LINGO2: variants seen among roughly 807,000 people sequenced by gnomAD.
LINGO2 encodes the protein leucine-rich repeat and immunoglobulin-like domain-containing nogo receptor-interacting protein 2.
A neutral mutation model predicts 30.6 loss-of-function variants in LINGO2; 14 were observed. The observed-to-expected ratio is 0.46, with a 90% CI of 0.30 to 0.72. LINGO2 has a LOEUF of 0.72. LINGO2 is among the 30% of genes least tolerant of loss of function. The probability of loss-of-function intolerance (pLI) is 0.07; values close to 1 mark genes in which losing one functional copy is unlikely to be tolerated. For synonymous variants in LINGO2, 317 were observed against 288.5 expected (o/e 1.10, Z -1.00); for missense variants, 729 against 751.7 (o/e 0.97, Z 0.35).
intron 1 of LINGO2, among the ~76,000 whole-genome samples, chr9:28,502,551 A>G (rs1819933511): frequency 6.6e-6 from 1 of 152,134 alleles, no homozygotes; most frequent in African/African-American, 2.4e-5. Flanking sequence ...TTAGCCGCAC[A>G]ATGAACCCTT....
At chr9:29,192,191 C>G in the LINGO2 span, among the ~76,000 whole-genome samples, 1 of 152,074 alleles carries the variant, frequency 6.6e-6, no homozygotes, top group Non-Finnish European at 1.5e-5. Context: ...TACAGGATTT[C>G]AGTTTAATTA....
chr9:28,087,404 C>A (rs1455761836), intron 4 of LINGO2, among the ~76,000 whole-genome samples: 1 of 152,094 alleles, frequency 6.6e-6, no homozygotes, highest in Admixed American at 6.6e-5. Flanking sequence ...TTCTAATCAT[C>A]ACTATTAATT....
At chr9:28,387,016 T>C (rs953375001) in intron 2 of LINGO2, among the ~76,000 whole-genome samples, 1 of 152,166 alleles carries the variant, frequency 6.6e-6, no homozygotes, top group Non-Finnish European at 1.5e-5. Context: ...TTAACTAATA[T>C]AGCATTGAGA....
the LINGO2 span, among the ~76,000 whole-genome samples, chr9:28,836,635 T>G: frequency 6.6e-6 from 1 of 152,270 alleles, no homozygotes; most frequent in South Asian, 2.1e-4. Flanking sequence ...TTTTTAATTT[T>G]TTAAAATTTT....
At chr9:29,198,403 G>A in the LINGO2 span, among the ~76,000 whole-genome samples, 1 of 152,100 alleles carries the variant, frequency 6.6e-6, no homozygotes, top group Non-Finnish European at 1.5e-5. Context: ...TGGGAGCAGG[G>A]GTGGGAAATT....
chr9:28,400,526 C>G (rs1822219585), intron 2 of LINGO2, among the ~76,000 whole-genome samples: 1 of 152,162 alleles, frequency 6.6e-6, no homozygotes, highest in Admixed American at 6.5e-5. Flanking sequence ...GTTTAAACAA[C>G]TGGTTTGTTG....
chr9:29,189,873 G>A, the LINGO2 span, among the ~76,000 whole-genome samples: 2 of 151,538 alleles, frequency 1.3e-5, no homozygotes, highest in African/African-American at 2.4e-5. Context: ...CCAGTCAGGC[G>A]TGGCAGCGCG....
chr9:27,977,528 C>T (rs909259110), intron 5 of LINGO2, among the ~76,000 whole-genome samples: 1 of 151,938 alleles, frequency 6.6e-6, no homozygotes, highest in African/African-American at 2.4e-5. Flanking sequence ...TATTCAGAAG[C>T]ATCTATTACA....
the LINGO2 span, among the ~76,000 whole-genome samples, chr9:29,121,363 C>T: frequency 1.3e-5 from 2 of 152,020 alleles, no homozygotes; most frequent in Admixed American, 6.6e-5. Flanking sequence ...TATTTTTAAG[C>T]AATGAAGTCA....
At chr9:28,022,219 G>A (rs12350286) in intron 4 of LINGO2, among the ~76,000 whole-genome samples, 2 of 151,882 alleles carry the variant, frequency 1.3e-5, no homozygotes, top group Non-Finnish European at 2.9e-5. Flanking sequence ...TGTGGTGCAG[G>A]TATTTTAACA....
chr9:28,064,580 C>G (rs1338494043), intron 4 of LINGO2, among the ~76,000 whole-genome samples: 1 of 152,144 alleles, frequency 6.6e-6, no homozygotes, highest in East Asian at 1.9e-4. Context: ...TTAGTAATAT[C>G]TGGGGCACTA....
the LINGO2 span, among the ~76,000 whole-genome samples, chr9:28,681,727 G>A: frequency 3.3e-5 from 5 of 152,004 alleles, no homozygotes; most frequent in African/African-American, 1.2e-4. Flanking sequence ...CCCAAACTGT[G>A]TTCCTTTACC....
intron 1 of LINGO2, among the ~76,000 whole-genome samples, chr9:28,501,279 T>C (rs1819871441): frequency 6.6e-6 from 1 of 152,196 alleles, no homozygotes; most frequent in African/African-American, 2.4e-5. Context: ...GCATGCTGCG[T>C]TCTTTGTTTT....
chr9:28,976,565 A>G, the LINGO2 span, among the ~76,000 whole-genome samples: 1 of 152,124 alleles, frequency 6.6e-6, no homozygotes, highest in Non-Finnish European at 1.5e-5. Flanking sequence ...TTCTTACTAG[A>G]CTTAAATTTA....
At chr9:28,817,359 T>C in the LINGO2 span, among the ~76,000 whole-genome samples, 1 of 152,224 alleles carries the variant, frequency 6.6e-6, no homozygotes, top group Non-Finnish European at 1.5e-5. Flanking sequence ...GGTTGGATAC[T>C]GAACCATTTC....
At chr9:29,208,228 CAAG>C in the LINGO2 span, among the ~76,000 whole-genome samples, 2 of 151,816 alleles carry the variant, frequency 1.3e-5, no homozygotes, top group African/African-American at 2.4e-5. Context: ...AGTATACTCA[CAAG>C]AAGAAGAAAA....
At chr9:28,438,319 C>G (rs73644042) in intron 2 of LINGO2, among the ~76,000 whole-genome samples, 1 of 151,990 alleles carries the variant, frequency 6.6e-6, no homozygotes, top group African/African-American at 2.4e-5. Context: ...TAAAAAGATC[C>G]GCTATCTAAT....
At chr9:28,674,742 G>A (rs1317036942), upstream of LINGO2, among the ~76,000 whole-genome samples, 2 of 152,020 alleles carry the variant, frequency 1.3e-5, no homozygotes, top group South Asian at 2.1e-4. Context: ...ATTAACACAC[G>A]GGACAACACA....
chr9:28,893,895 TC>T, the LINGO2 span, among the ~76,000 whole-genome samples: 1 of 149,940 alleles, frequency 6.7e-6, no homozygotes, highest in African/African-American at 2.4e-5. Flanking sequence ...ATGCTATCCC[TC>T]CCCCCTGCCC....
Sources: allele counts gnomAD v4.1 joint callset (sites outside exome capture counted in the v4.1 genomes callset), GRCh38; gene constraint gnomAD v4.1.1; transcripts MANE v1.5; gene names NCBI Gene and HGNC (gene_info 2026-07-23, HGNC 2026-07-21).